ARL15: variants seen among roughly 807,000 people sequenced by gnomAD.
The protein encoded by ARL15 is ADP-ribosylation factor-like protein 15.
In ARL15, 19 loss-of-function variants were observed where a neutral mutation model predicts 25.2. The observed-to-expected ratio is 0.75, with a 90% confidence interval of 0.53 to 1.10. The LOEUF (loss-of-function observed/expected upper bound fraction) is 1.10, where lower values mean the gene tolerates loss of function less well. Ranked by LOEUF, ARL15 falls within the 50% of genes least tolerant of loss-of-function variation. The pLI is 0.00. For missense variants in ARL15, 220 were observed against 246.0 expected (o/e 0.89, Z 0.71); for synonymous variants, 94 against 86.8 (o/e 1.08, Z -0.46).
At chr5:54,071,979 G>GAAAAAAAAAAAAAA (rs71989027) in intron 4 of ARL15, among the ~76,000 whole-genome samples, 4 of 126,174 alleles carry the variant, frequency 3.2e-5, no homozygotes, top group Admixed American at 8.1e-5. Flanking sequence ...CTCAAAAAAA[G>GAAAAAAAAAAAAAA]AAAAAAAAAA....
At chr5:54,113,058 T>C (rs1379055879) in intron 4 of ARL15, 144 bp downstream of exon 4, 2 of 785,578 alleles carry the variant, frequency 2.5e-6, no homozygotes, top group Non-Finnish European at 2.0e-6. Context: ...GATATAGGCT[T>C]TCTGCTTCCT....
chr5:54,001,573 T>C (rs996066190), intron 4 of ARL15, among the ~76,000 whole-genome samples: 44 of 152,216 alleles, frequency 2.9e-4, no homozygotes, highest in African/African-American at 9.9e-4. Flanking sequence ...AATACAACAA[T>C]GATAAGTGTA....
chr5:53,959,557 C>A (rs1012218203), intron 4 of ARL15, among the ~76,000 whole-genome samples: 1 of 152,030 alleles, frequency 6.6e-6, no homozygotes, highest in Non-Finnish European at 1.5e-5. Flanking sequence ...GAGAGAGTAA[C>A]CTGGAGGATT....
intron 4 of ARL15, among the ~76,000 whole-genome samples, chr5:54,034,980 C>T (rs1373798790): frequency 6.6e-6 from 1 of 151,912 alleles, no homozygotes; most frequent in Admixed American, 6.6e-5. Context: ...AAGAAATATA[C>T]TTTTTGAATG....
chr5:53,907,481 TATATATA>T (rs1398797421), intron 4 of ARL15, among the ~76,000 whole-genome samples: 17 of 35,016 alleles, frequency 4.9e-4, no homozygotes, highest in South Asian at 9.1e-4. Context: ...TATATATATA[TATATATA>T]TTTTTTTTTT....
At chr5:53,960,025 A>C (rs1466131584) in intron 4 of ARL15, among the ~76,000 whole-genome samples, 15 of 152,092 alleles carry the variant, frequency 9.9e-5, no homozygotes, top group Non-Finnish European at 2.2e-4. Flanking sequence ...TAATGAGTGG[A>C]GATGTCAAGC....
chr5:54,217,777 T>A (rs935196293), intron 1 of ARL15, among the ~76,000 whole-genome samples: 1 of 152,164 alleles, frequency 6.6e-6, no homozygotes, highest in Non-Finnish European at 1.5e-5. Flanking sequence ...TAATCATTAT[T>A]GTTAACCATT....
chr5:54,147,073 C>A (rs1753933807), intron 3 of ARL15, among the ~76,000 whole-genome samples: 1 of 152,128 alleles, frequency 6.6e-6, no homozygotes, highest in Non-Finnish European at 1.5e-5. Flanking sequence ...TAGCTGTGGC[C>A]TTTTAACTCA....
At chr5:53,906,509 G>GGTGGAA (rs1231465715) in intron 4 of ARL15, among the ~76,000 whole-genome samples, 1 of 152,134 alleles carries the variant, frequency 6.6e-6, no homozygotes, top group African/African-American at 2.4e-5. Context: ...ATGAGGTGGA[G>GGTGGAA]GTGGAAGTGA....
chr5:54,022,425 A>G (rs1395256916), intron 4 of ARL15, among the ~76,000 whole-genome samples: 1 of 152,046 alleles, frequency 6.6e-6, no homozygotes, highest in African/African-American at 2.4e-5. Context: ...TTATCTGACT[A>G]AGGGAAGTTC....
chr5:54,069,554 G>A (rs1369635819), intron 4 of ARL15, among the ~76,000 whole-genome samples: 2 of 22,574 alleles, frequency 8.9e-5, no homozygotes, highest in South Asian at 1.7e-3. Context: ...ACAGCAAAAC[G>A]TCTCAAAAAA....
At chr5:54,228,588 T>A (rs191054683) in intron 1 of ARL15, among the ~76,000 whole-genome samples, 2 of 152,060 alleles carry the variant, frequency 1.3e-5, no homozygotes, top group Admixed American at 6.6e-5. Context: ...TTGGAGTTTT[T>A]ATGAGGTTTT....
intron 1 of ARL15, among the ~76,000 whole-genome samples, chr5:54,194,960 G>A (rs1377298947): frequency 6.6e-6 from 1 of 152,108 alleles, no homozygotes; most frequent in African/African-American, 2.4e-5. Flanking sequence ...AAAGAGTAGG[G>A]TGTCTCAGTC....
intron 4 of ARL15, among the ~76,000 whole-genome samples, chr5:53,962,684 G>C (rs942482938): frequency 2.6e-5 from 4 of 152,048 alleles, no homozygotes. Context: ...TAGTGTTCTA[G>C]TTAAATGATG....
intron 4 of ARL15, among the ~76,000 whole-genome samples, chr5:54,101,745 C>T (rs1406344719): frequency 6.6e-6 from 1 of 152,128 alleles, no homozygotes; most frequent in Non-Finnish European, 1.5e-5. Context: ...AAAATCTATT[C>T]TCATTTTTTC....
chr5:53,949,561 T>G (rs1746876225), intron 4 of ARL15, among the ~76,000 whole-genome samples: 2 of 152,326 alleles, frequency 1.3e-5, no homozygotes, highest in Admixed American at 1.3e-4. Context: ...CAAACACCTT[T>G]TACTCAAAAT....
At chr5:53,907,599 G>A (rs1452928239) in intron 4 of ARL15, among the ~76,000 whole-genome samples, 1 of 142,006 alleles carries the variant, frequency 7.0e-6, no homozygotes, top group Non-Finnish European at 1.5e-5. Flanking sequence ...CTGGGTTCAC[G>A]CCATTCTCCT....
chr5:54,176,951 T>C lies in ARL15; in HGVS notation c.49-5023A>G, dbSNP rs532241204. Among the ~76,000 whole-genome samples, 5 of 152,272 alleles carry C rather than the reference T, an allele frequency of 3.3e-5. No homozygotes were observed. In the East Asian group the frequency reaches 9.6e-4, roughly 29 times the overall value. On this transcript the variant is annotated intron_variant, in intron 1 of 4. Coordinates refer to ENST00000504924, the MANE Select transcript of ARL15 (RefSeq NM_019087.3). ...CCAACAGCCCACAGCAGCCTCCACA[T>C]GCTCCATTCTATCCCAGTTCAGCCC...
chr5:54,292,189 C>A (rs987291021), intron 1 of ARL15, among the ~76,000 whole-genome samples: 4 of 152,160 alleles, frequency 2.6e-5, no homozygotes, highest in African/African-American at 9.7e-5. Context: ...CTTACCCCAT[C>A]CCTAAAGCCT....
Sources: gnomAD v4.1 joint callset for allele counts (sites outside exome capture counted in the v4.1 genomes callset) on GRCh38, gnomAD v4.1.1 for gene constraint, MANE v1.5 for transcripts, NCBI Gene and HGNC (gene_info 2026-07-23, HGNC 2026-07-21) for gene names.